The following NT5DC3 variants were observed in gnomAD, a reference collection of about 807,000 sequenced individuals.
NT5DC3 encodes 5'-nucleotidase domain-containing protein 3.
Under a neutral mutation model 67.8 loss-of-function variants are expected in NT5DC3, and 42 were observed. The ratio of observed to expected loss-of-function variants is 0.62; its 90% CI spans 0.48 to 0.80. The LOEUF (loss-of-function observed/expected upper bound fraction) is 0.80, where lower values mean the gene tolerates loss of function less well. Among genes scored for constraint, NT5DC3 ranks in the 30% least tolerant of loss-of-function variants. NT5DC3 has a pLI of 0.00. For synonymous variants in NT5DC3, 237 were observed against 255.6 expected, an observed-to-expected ratio of 0.93 and a Z score of 0.69; for missense variants, 570 against 696.4, an observed-to-expected ratio of 0.82 and a Z score of 2.04.
Position 103,775,578 on chromosome 12 carries a change from C to T in NT5DC3, c.*2251G>A, listed in dbSNP as rs10861096. The T allele has an allele frequency of 0.29, 43,975 of 151,972 alleles. 6,574 individuals are homozygous for T. Among genetic ancestry groups the T allele is most frequent in the South Asian group, 0.47 (2,260 of 4,800 alleles). 9.4% of individuals were successfully genotyped at this position (151,972 alleles called of 1,614,324 possible). A position where few individuals can be genotyped will look rare whatever the true frequency, so the allele number is the denominator to read the frequency against. Reference sequence around the variant, plus strand: ...CCCCGACACCGAGCAGTTCTGGGCGCAACACACACCCATTAAGTGTCAGCC... The same window carrying T: ...CCCCGACACCGAGCAGTTCTGGGCGTAACACACACCCATTAAGTGTCAGCC... On this transcript the variant is annotated 3_prime_UTR_variant, in exon 14 of 14. Coordinates refer to ENST00000392876, the MANE Select transcript of NT5DC3 (RefSeq NM_001031701.3).
chr12:103,772,070 G>C (rs942824545), downstream of NT5DC3, among the ~76,000 whole-genome samples: 1 of 152,086 alleles, frequency 6.6e-6, no homozygotes, highest in African/African-American at 2.4e-5. Context: ...GGGGAGATGG[G>C]GGTAGTGAGA....
chr12:103,750,654 G>A, the NT5DC3 span: 1 of 1,614,222 alleles, frequency 6.2e-7, no homozygotes, highest in South Asian at 1.1e-5. Flanking sequence ...GCTGCCCATT[G>A]ACCGCTGCTT....
chr12:103,792,712 C>T (rs143111738), intron 9 of NT5DC3, among the ~76,000 whole-genome samples: 16 of 152,282 alleles, frequency 1.1e-4, no homozygotes, highest in Middle Eastern at 3.4e-3. Context: ...ATTTACTGCA[C>T]GTGATGCAAA....
In NT5DC3 at chr12:103,841,123, CG is replaced by C; in HGVS notation, c.33del (p.Ala13ProfsTer41). ...GCTGTCGCTGCCCTCGCCCCGGCCC[CG>C]CGTGCCACCACCGCCGCCGCTGCCA... Reference protein sequence around the residue: MTMAAAAVVARGAGARAATAA... With the variant: MTMAAAAVVAXGAGARAATAA... On this transcript the variant is annotated frameshift_variant, in exon 1 of 14. Transcript: ENST00000392876. LOFTEE classifies it high-confidence loss of function. The C allele has an allele frequency of 1.0e-6, 1 of 972,166 alleles. No individual in the cohort carries two copies. The highest frequency in any genetic ancestry group is 4.0e-5 in the Admixed American group (1 of 24,760). 60.2% of individuals were successfully genotyped at this position (972,166 alleles called of 1,614,324 possible).
At chr12:103,766,264 C>T (rs1210688103), downstream of NT5DC3, 25 of 1,613,904 alleles carry the variant, frequency 1.5e-5, no homozygotes, top group Non-Finnish European at 2.1e-5. Flanking sequence ...GCCCTGCCCC[C>T]TTACAACCCT....
chr12:103,753,226 C>G, the NT5DC3 span: 1 of 1,614,196 alleles, frequency 6.2e-7, no homozygotes, highest in East Asian at 2.2e-5. Flanking sequence ...CCAGATACCA[C>G]TGTTGGGGTG....
intron 6 of NT5DC3, among the ~76,000 whole-genome samples, chr12:103,795,678 AAC>A (rs886743690): frequency 1.0e-3 from 156 of 152,112 alleles, no homozygotes; most frequent in African/African-American, 3.4e-3. Context: ...TATTTAAATA[AAC>A]ACATATTTTT....
chr12:103,752,358 C>T, the NT5DC3 span, among the ~76,000 whole-genome samples: 8 of 152,264 alleles, frequency 5.3e-5, no homozygotes, highest in African/African-American at 4.8e-5. Flanking sequence ...ATTTGACTTA[C>T]GCACTGTGCT....
chr12:103,791,240 G>GC (rs1886045753), intron 9 of NT5DC3, among the ~76,000 whole-genome samples: 1 of 152,034 alleles, frequency 6.6e-6, no homozygotes, highest in South Asian at 2.1e-4. Context: ...CCAGGACCCT[G>GC]CCCCCTCACT....
downstream of NT5DC3, among the ~76,000 whole-genome samples, chr12:103,767,539 C>T (rs537344372): frequency 1.2e-4 from 18 of 152,274 alleles, no homozygotes; most frequent in African/African-American, 4.3e-4. Context: ...CAGTGAATTT[C>T]ATGGTATGCT....
At chr12:103,827,962 T>C (rs1887764260) in intron 1 of NT5DC3, among the ~76,000 whole-genome samples, 1 of 152,204 alleles carries the variant, frequency 6.6e-6, no homozygotes, top group South Asian at 2.1e-4. Flanking sequence ...ACTTTTAAAG[T>C]TACAGAAGTA....
the NT5DC3 span, among the ~76,000 whole-genome samples, chr12:103,765,378 A>C: frequency 6.6e-6 from 1 of 152,204 alleles, no homozygotes; most frequent in African/African-American, 2.4e-5. Context: ...CCTAAGCATA[A>C]GGTACCAGCT....
the NT5DC3 span, among the ~76,000 whole-genome samples, chr12:103,753,630 C>T: frequency 6.6e-6 from 1 of 152,170 alleles, no homozygotes; most frequent in Non-Finnish European, 1.5e-5. Flanking sequence ...GATAGGGAAA[C>T]TGAGGCTTAG....
At chr12:103,795,157 G>T (rs191048771) in intron 6 of NT5DC3, among the ~76,000 whole-genome samples, 1 of 152,242 alleles carries the variant, frequency 6.6e-6, no homozygotes, top group East Asian at 1.9e-4. Context: ...ATGCAAGTCA[G>T]ACTGCCTGGC....
downstream of NT5DC3, among the ~76,000 whole-genome samples, chr12:103,769,560 G>A (rs997591280): frequency 1.3e-5 from 2 of 152,216 alleles, no homozygotes; most frequent in East Asian, 1.9e-4. Flanking sequence ...GAGGAGTGCC[G>A]GGTCAGTGGG....
the NT5DC3 span, chr12:103,757,874 C>G: frequency 2.5e-6 from 1 of 401,644 alleles, no homozygotes; most frequent in South Asian, 2.8e-5. Flanking sequence ...TGGGGGGCCA[C>G]TGCAGGATTT....
At chr12:103,756,974 T>G in the NT5DC3 span, among the ~76,000 whole-genome samples, 2 of 133,112 alleles carry the variant, frequency 1.5e-5, no homozygotes, top group African/African-American at 2.8e-5. Context: ...TCTCTGGGCC[T>G]CAGTAGCCCA....
In NT5DC3 at chr12:103,777,502, C is replaced by T. The variant is rs1885381549; in HGVS notation, c.*327G>A. 1 of 316,414 alleles carries T rather than the reference C, an allele frequency of 3.2e-6. No homozygotes were observed. Among genetic ancestry groups the T allele is most frequent in the East Asian group, 6.0e-5 (1 of 16,674 alleles). 19.6% of individuals were successfully genotyped at this position (316,414 alleles called of 1,614,324 possible). A position where few individuals can be genotyped will look rare whatever the true frequency, so the allele number is the denominator to read the frequency against. On this transcript the variant is annotated 3_prime_UTR_variant, in exon 14 of 14. Transcript: ENST00000392876. ...TGGAGGAGTCAAGAACCGTTTCAAG[C>T]TTGACCTGCTAGAATACAGACATGG...
chr12:103,796,334 T>C (rs1886312779), intron 6 of NT5DC3, among the ~76,000 whole-genome samples: 1 of 152,100 alleles, frequency 6.6e-6, no homozygotes, highest in South Asian at 2.1e-4. Context: ...CTGGCCAACA[T>C]GGTGAAACCT....
Sources: allele counts gnomAD v4.1 joint callset (sites outside exome capture counted in the v4.1 genomes callset), GRCh38; gene constraint gnomAD v4.1.1; transcripts MANE v1.5; gene names NCBI Gene and HGNC (gene_info 2026-07-23, HGNC 2026-07-21).